Variants in STARD13 observed in about 807,000 individuals in gnomAD.
The protein encoded by STARD13 is StAR related lipid transfer domain containing 13, also known as stAR-related lipid transfer protein 13.
In STARD13, 62 loss-of-function variants were observed where a neutral mutation model predicts 106.4. The ratio of observed to expected loss-of-function variants is 0.58; its 90% CI spans 0.48 to 0.72. STARD13 has a LOEUF of 0.72. Among genes scored for constraint, STARD13 ranks in the 30% least tolerant of loss-of-function variants. The probability of loss-of-function intolerance (pLI) is 0.00; values close to 1 mark genes in which losing one functional copy is unlikely to be tolerated. For synonymous variants in STARD13, 565 were observed against 553.0 expected, an observed-to-expected ratio of 1.02 and a Z score of -0.31; for missense variants, 1,387 against 1,424.0, an observed-to-expected ratio of 0.97 and a Z score of 0.42.
the STARD13 span, among the ~76,000 whole-genome samples, chr13:33,567,027 T>C: frequency 2.2e-4 from 32 of 148,390 alleles, 2 homozygotes. Flanking sequence ...AATATTCCCA[T>C]AGTGCAATTC....
the STARD13 span, among the ~76,000 whole-genome samples, chr13:33,408,306 C>T: frequency 6.6e-6 from 1 of 152,014 alleles, no homozygotes; most frequent in Non-Finnish European, 1.5e-5. Flanking sequence ...ACAATAACTC[C>T]CCACTTTCCT....
At chr13:33,394,691 T>C in the STARD13 span, among the ~76,000 whole-genome samples, 11 of 152,358 alleles carry the variant, frequency 7.2e-5, no homozygotes, top group African/African-American at 2.6e-4. Context: ...CCAGACTCTC[T>C]TGCACCAGCT....
At chr13:33,405,760 A>T in the STARD13 span, among the ~76,000 whole-genome samples, 1 of 152,212 alleles carries the variant, frequency 6.6e-6, no homozygotes, top group East Asian at 1.9e-4. Context: ...AAGGATTCAA[A>T]ATTTGTCATT....
the STARD13 span, among the ~76,000 whole-genome samples, chr13:33,360,728 A>AGAAGGAATCC: frequency 1.1e-3 from 11 of 9,876 alleles, no homozygotes; most frequent in Non-Finnish European, 2.2e-3. Context: ...ACAGAAGGAC[A>AGAAGGAATCC]TATTGTTGAT....
the STARD13 span, among the ~76,000 whole-genome samples, chr13:33,588,633 T>C: frequency 1.3e-5 from 2 of 152,236 alleles, no homozygotes; most frequent in African/African-American, 4.8e-5. Flanking sequence ...ACCATTGTCA[T>C]GATTGAAATG....
chr13:33,586,248 T>C, the STARD13 span, among the ~76,000 whole-genome samples: 6 of 152,156 alleles, frequency 3.9e-5, no homozygotes, highest in African/African-American at 1.4e-4. Context: ...CACATCTAGT[T>C]AGTATGGCAG....
chr13:33,349,298 G>T, intron 1 of STARD13: 1 of 698,142 alleles, frequency 1.4e-6, no homozygotes, highest in Non-Finnish European at 2.6e-6. Context: ...GCTTCCCCCA[G>T]TCCCCGAAGC....
chr13:33,479,316 T>A, the STARD13 span, among the ~76,000 whole-genome samples: 3 of 152,206 alleles, frequency 2.0e-5, no homozygotes, highest in Admixed American at 2.0e-4. Context: ...AAGGGGAATT[T>A]GATAGTATCT....
At chr13:33,506,236 A>G in the STARD13 span, among the ~76,000 whole-genome samples, 21 of 152,214 alleles carry the variant, frequency 1.4e-4, 1 homozygote, top group Non-Finnish European at 2.9e-4. Flanking sequence ...TTTTGCAAGG[A>G]AAATACTTGA....
At chr13:33,217,031 A>C (rs1888083994) in intron 1 of STARD13, among the ~76,000 whole-genome samples, 1 of 152,178 alleles carries the variant, frequency 6.6e-6, no homozygotes, top group Non-Finnish European at 1.5e-5. Context: ...CATGCTTTTT[A>C]TAAACAGTAG....
At chr13:33,204,805 C>T (rs928114903) in intron 1 of STARD13, among the ~76,000 whole-genome samples, 6 of 152,260 alleles carry the variant, frequency 3.9e-5, no homozygotes, top group African/African-American at 1.4e-4. Context: ...TTTTCCCACA[C>T]ATGCTCCAGA....
chr13:33,609,573 T>C, the STARD13 span, among the ~76,000 whole-genome samples: 24 of 151,178 alleles, frequency 1.6e-4, no homozygotes, highest in Admixed American at 2.6e-4. Flanking sequence ...TTCTTTCTTT[T>C]TTTTTTTTTT....
At chr13:33,121,668 C>CCTTT (rs1384365464) in intron 7 of STARD13, among the ~76,000 whole-genome samples, 17 of 95,646 alleles carry the variant, frequency 1.8e-4, no homozygotes, top group Non-Finnish European at 3.5e-4. Flanking sequence ...TGTTGTTCAT[C>CCTTT]CTTTTTTTTT....
chr13:33,598,887 G>C, the STARD13 span, among the ~76,000 whole-genome samples: 2 of 152,166 alleles, frequency 1.3e-5, no homozygotes, highest in Non-Finnish European at 2.9e-5. Flanking sequence ...GAAGACAGTA[G>C]GCTCTCCTTA....
chr13:33,512,212 G>A, the STARD13 span, among the ~76,000 whole-genome samples: 1 of 152,160 alleles, frequency 6.6e-6, no homozygotes, highest in African/African-American at 2.4e-5. Context: ...GGAAACTAAA[G>A]ACTAAGATCA....
chr13:33,358,652 A>G, the STARD13 span, among the ~76,000 whole-genome samples: 1 of 151,900 alleles, frequency 6.6e-6, no homozygotes, highest in Non-Finnish European at 1.5e-5. Context: ...GACACTCTGA[A>G]TCTAGCTCAA....
the STARD13 span, among the ~76,000 whole-genome samples, chr13:33,512,730 A>G: frequency 6.6e-6 from 1 of 152,094 alleles, no homozygotes; most frequent in South Asian, 2.1e-4. Context: ...CGGACTCTCA[A>G]AGTACTGGGA....
At chr13:33,183,041 T>C (rs1885398166) in intron 1 of STARD13, among the ~76,000 whole-genome samples, 1 of 152,190 alleles carries the variant, frequency 6.6e-6, no homozygotes, top group Non-Finnish European at 1.5e-5. Context: ...CCTCTCCCTA[T>C]TTACCTCCTG....
At chr13:33,319,404 A>G (rs1893468097) in intron 1 of STARD13, among the ~76,000 whole-genome samples, 1 of 152,228 alleles carries the variant, frequency 6.6e-6, no homozygotes, top group South Asian at 2.1e-4. Context: ...CATAATTGCA[A>G]ATAGGCATGG....
Sources: allele counts gnomAD v4.1 joint callset (sites outside exome capture counted in the v4.1 genomes callset), GRCh38; gene constraint gnomAD v4.1.1; transcripts MANE v1.5; gene names NCBI Gene and HGNC (gene_info 2026-07-23, HGNC 2026-07-21).